The following PAIP2 variants were observed in gnomAD, a reference collection of about 807,000 sequenced individuals.
The protein encoded by PAIP2 is polyadenylate-binding protein-interacting protein 2.
A neutral mutation model predicts 14.8 loss-of-function variants in PAIP2; 7 were observed. The ratio of observed to expected loss-of-function variants is 0.47; its 90% CI spans 0.27 to 0.89. The LOEUF is 0.89. Ranked by LOEUF, PAIP2 falls within the 40% of genes least tolerant of loss-of-function variation. The pLI, the probability that PAIP2 is intolerant of heterozygous loss-of-function variation, is 0.13. For synonymous variants in PAIP2, 47 were observed against 45.3 expected (o/e 1.04, Z -0.15); for missense variants, 122 against 154.7 (o/e 0.79, Z 1.12).
At chr5:139,364,454 A>G (rs1757158501) in intron 2 of PAIP2, 110 bp from the exon 3 acceptor site, 1 of 609,760 alleles carries the variant, frequency 1.6e-6, no homozygotes, top group Non-Finnish European at 2.8e-6. Flanking sequence ...ATGGAAGCAG[A>G]AAAGAAAGTA....
intron 3 of PAIP2, among the ~76,000 whole-genome samples, chr5:139,366,670 C>T (rs933442023): frequency 2.6e-5 from 4 of 152,200 alleles, no homozygotes; most frequent in African/African-American, 9.7e-5. Context: ...AATCTGGACC[C>T]AGTATAATTC....
chr5:139,360,732 G>A (rs1375008051), intron 1 of PAIP2, among the ~76,000 whole-genome samples: 1 of 150,682 alleles, frequency 6.6e-6, no homozygotes, highest in African/African-American at 2.4e-5. Context: ...CAAAGTGTTG[G>A]GATTACAGGC....
chr5:139,349,358 C>G (rs998343211), intron 1 of PAIP2, among the ~76,000 whole-genome samples: 4 of 152,138 alleles, frequency 2.6e-5, no homozygotes, highest in Non-Finnish European at 5.9e-5. Flanking sequence ...AAGCAATTCT[C>G]CTGCCTCAGC....
At chr5:139,355,441 G>A (rs1039882066) in intron 1 of PAIP2, among the ~76,000 whole-genome samples, 1 of 152,202 alleles carries the variant, frequency 6.6e-6, no homozygotes, top group South Asian at 2.1e-4. Flanking sequence ...CAAAGTGCTG[G>A]GATTACAGGC....
At chr5:139,353,624 ATTACATGTCT>A (rs1756818546) in intron 1 of PAIP2, among the ~76,000 whole-genome samples, 1 of 152,146 alleles carries the variant, frequency 6.6e-6, no homozygotes, top group Admixed American at 6.6e-5. Context: ...TTACAAAATA[ATTACATGTCT>A]TTTGTAATTT....
At chr5:139,355,436 T>C (rs1237575609) in intron 1 of PAIP2, among the ~76,000 whole-genome samples, 1 of 152,194 alleles carries the variant, frequency 6.6e-6, no homozygotes, top group Non-Finnish European at 1.5e-5. Context: ...CCTCTCAAAG[T>C]GCTGGGATTA....
At chr5:139,342,937 C>G (rs1361996166) in intron 1 of PAIP2, 2 of 152,134 alleles carry the variant, frequency 1.3e-5, no homozygotes, top group South Asian at 2.1e-4. Context: ...TAGCAGCTGA[C>G]AGCCTTTGAC....
chr5:139,346,719 G>C (rs531610892), intron 1 of PAIP2, among the ~76,000 whole-genome samples: 1 of 151,290 alleles, frequency 6.6e-6, no homozygotes, highest in East Asian at 1.9e-4. Context: ...TTTAGAGACG[G>C]GGTTTCGCCC....
intron 1 of PAIP2, among the ~76,000 whole-genome samples, chr5:139,350,427 T>TG (rs1257623487): frequency 6.6e-6 from 1 of 151,960 alleles, no homozygotes; most frequent in African/African-American, 2.4e-5. Flanking sequence ...GGTCAGGAGT[T>TG]GGAGACCAGC....
rs547679921 is a variant in PAIP2 at position 139,352,632 on chromosome 5, C to T, written c.-27+10652C>T. ...GATTACAGGCATGTGCCACCACGCC[C>T]GGCTACTTTTGTGTTTTTAGTAGAG... On this transcript the variant is annotated intron_variant, in intron 1 of 3. Coordinates refer to ENST00000265192, the MANE Select transcript of PAIP2 (RefSeq NM_016480.5). Among the ~76,000 whole-genome samples the T allele has an allele frequency of 1.3e-4, 20 of 151,430 alleles. No homozygotes were observed. The South Asian group carries it at 3.1e-3, about 24-fold the overall frequency.
intron 1 of PAIP2, among the ~76,000 whole-genome samples, chr5:139,352,798 A>G (rs1423410912): frequency 6.6e-6 from 1 of 151,546 alleles, no homozygotes; most frequent in Non-Finnish European, 1.5e-5. Context: ...GTGGGTCAGA[A>G]TGAGGCATGA....
Position 139,369,046 on chromosome 5 carries a change from A to G in PAIP2, c.*248A>G, listed in dbSNP as rs1757483535. The G allele has an allele frequency of 2.7e-6, 1 of 368,674 alleles. No individual in the cohort carries two copies. The highest frequency in any genetic ancestry group is 4.9e-6 in the Non-Finnish European group (1 of 204,726). The allele number at this position is 368,674 out of a possible 1,614,324, so 22.8% of individuals were successfully genotyped here. A position where few individuals can be genotyped will look rare whatever the true frequency, so the allele number is the denominator to read the frequency against. On this transcript the variant is annotated 3_prime_UTR_variant, in exon 4 of 4. Coordinates refer to ENST00000265192, the MANE Select transcript of PAIP2 (RefSeq NM_016480.5). ...GACAGCAAGGAAAGAAGCACCAGTCAAGTTGTGAACAAGCACCAAATTAAA... is the reference window on the plus strand; with the variant it reads ...GACAGCAAGGAAAGAAGCACCAGTCGAGTTGTGAACAAGCACCAAATTAAA...
intron 1 of PAIP2, among the ~76,000 whole-genome samples, chr5:139,349,054 A>G (rs1480279585): frequency 4.6e-5 from 7 of 152,240 alleles, no homozygotes; most frequent in African/African-American, 1.7e-4. Context: ...ATTTTAAAAC[A>G]TAGTAAGAGA....
intron 1 of PAIP2, among the ~76,000 whole-genome samples, chr5:139,354,632 T>C (rs1184197518): frequency 1.3e-5 from 2 of 152,140 alleles, no homozygotes; most frequent in African/African-American, 2.4e-5. Context: ...GTAATTCCAT[T>C]GTATATATTT....
intron 3 of PAIP2, chr5:139,367,617 T>C (rs1307528195): frequency 6.6e-6 from 1 of 152,224 alleles, no homozygotes; most frequent in African/African-American, 2.4e-5. Context: ...CTTTTCCTGT[T>C]ATATACCATG....
In PAIP2 at chr5:139,363,742, G is replaced by A. The variant is rs752010073; in HGVS notation, c.-26-17G>A. The A allele has an allele frequency of 1.9e-6, 3 of 1,606,758 alleles. No homozygotes were observed. The highest frequency in any genetic ancestry group is 2.7e-5 in the African/African-American group (2 of 74,756). ...CTGAATGAGTAAGTAAATTAACTGT[G>A]CTGTTGTTCTTTTAAGGTTAAAAAC... On this transcript the variant is annotated splice_polypyrimidine_tract_variant and intron_variant, in intron 1 of 3. Coordinates refer to ENST00000265192, the MANE Select transcript of PAIP2 (RefSeq NM_016480.5).
chr5:139,368,523 C>G (rs569427902), intron 3 of PAIP2, among the ~76,000 whole-genome samples: 1 of 151,804 alleles, frequency 6.6e-6, no homozygotes, highest in Non-Finnish European at 1.5e-5. Flanking sequence ...AGCAAGACTC[C>G]GTCACAAAAA....
intron 1 of PAIP2, among the ~76,000 whole-genome samples, chr5:139,356,821 A>T (rs1344864421): frequency 1.4e-5 from 2 of 144,950 alleles, no homozygotes; most frequent in East Asian, 2.3e-4. Context: ...CGGGAGGTGG[A>T]GGTTGCAGTG....
intron 2 of PAIP2, 102 bp downstream of exon 2, chr5:139,364,024 A>G (rs888955472): frequency 1.6e-5 from 15 of 913,556 alleles, no homozygotes; most frequent in Non-Finnish European, 2.4e-5. Context: ...TGTATAAAGT[A>G]TGTAGACTGA....
Sources: gnomAD v4.1 joint callset for allele counts (sites outside exome capture counted in the v4.1 genomes callset) on GRCh38, gnomAD v4.1.1 for gene constraint, MANE v1.5 for transcripts, NCBI Gene and HGNC (gene_info 2026-07-23, HGNC 2026-07-21) for gene names.